TRIOBP: variants seen among roughly 807,000 people sequenced by gnomAD.
TRIOBP encodes the protein TRIO and F-actin binding protein.
In TRIOBP, 169 loss-of-function variants were observed where a neutral mutation model predicts 238.8. The ratio of observed to expected loss-of-function variants is 0.71; its 90% CI spans 0.62 to 0.80. The LOEUF (loss-of-function observed/expected upper bound fraction) is 0.80. Ranked by LOEUF, TRIOBP falls within the 30% of genes least tolerant of loss-of-function variation. The pLI is 0.00. For synonymous variants in TRIOBP, 1,150 were observed against 1,274.4 expected (o/e 0.90, Z 2.08); for missense variants, 2,838 against 3,122.6 (o/e 0.91, Z 2.17).
intron 7 of TRIOBP, among the ~76,000 whole-genome samples, chr22:37,730,357 G>A (rs4820301): frequency 0.24 from 36,870 of 151,988 alleles, 5,384 homozygotes; most frequent in South Asian, 0.41. Flanking sequence ...TTTTCTCTCA[G>A]TTCTACATGG....
chr22:37,747,328 C>T (rs1478012171), intron 11 of TRIOBP, among the ~76,000 whole-genome samples: 1 of 152,212 alleles, frequency 6.6e-6, no homozygotes, highest in Non-Finnish European at 1.5e-5. Context: ...CTTTTGGTTT[C>T]TGGCTAGTGC....
chr22:37,750,055 T>G (rs2145860171), intron 11 of TRIOBP, among the ~76,000 whole-genome samples: 2 of 152,284 alleles, frequency 1.3e-5, no homozygotes, highest in Admixed American at 1.3e-4. Context: ...CTCTGGAGGA[T>G]CACTAGGTTT....
rs563635970 is a variant in TRIOBP at position 37,746,997 on chromosome 22, C to T, written c.5323-4775C>T. ...CTGAAGCAGCGGGATACCACGTCTT[C>T]CTGGGCTTGCACTTTGCAGCGGTCC... On this transcript the variant is annotated intron_variant, in intron 11 of 23. Coordinates refer to ENST00000644935, the MANE Select transcript of TRIOBP (RefSeq NM_001039141.3). Among the ~76,000 whole-genome samples, 78 of 152,358 alleles carry T rather than the reference C, an allele frequency of 5.1e-4. 2 individuals carry two copies. Among genetic ancestry groups the T allele is most frequent in the South Asian group, 3.3e-3 (16 of 4,832 alleles).
chr22:37,728,594 C>T (rs1254247741), intron 7 of TRIOBP, among the ~76,000 whole-genome samples: 6 of 152,188 alleles, frequency 3.9e-5, no homozygotes, highest in African/African-American at 1.4e-4. Context: ...TTTAGGTTTA[C>T]AGCAAAATTG....
intron 11 of TRIOBP, among the ~76,000 whole-genome samples, chr22:37,745,738 G>T (rs192196048): frequency 1.7e-4 from 26 of 152,306 alleles, no homozygotes; most frequent in African/African-American, 6.0e-4. Flanking sequence ...TCCCAAGTCT[G>T]TGGTGAGGAC....
chr22:37,722,264 C>T (rs1923868932), intron 6 of TRIOBP, among the ~76,000 whole-genome samples: 1 of 152,140 alleles, frequency 6.6e-6, no homozygotes, highest in Admixed American at 6.5e-5. Flanking sequence ...CCTGTCTCTA[C>T]TAAAAACACA....
Position 37,735,073 on chromosome 22 carries a change from C to G in TRIOBP, c.4737C>G (p.Ser1579Arg). Residue 1579 changes from serine to arginine, a missense_variant, in exon 9 of 24, where the codon AGC becomes AGG. By Grantham distance (110) the Ser-to-Arg change is moderately radical. Around this residue, in one of 5 missense-constraint regions of TRIOBP, gnomAD observed 2,096 missense variants for 2,137.4 expected, o/e 0.98. Transcript: ENST00000644935. ...AGGGGGTCTGGGCCCGTGTCCCCAG[C>G]CTGGACTGGGAGGGCCTCTTGGAGC... ...PGEGVWARVP[S>R]LDWEGLLELL... 4 of 1,606,804 alleles carry G rather than the reference C, an allele frequency of 2.5e-6. No individual in the cohort carries two copies. Among genetic ancestry groups the G allele is most frequent in the Non-Finnish European group, 3.4e-6 (4 of 1,175,106 alleles).
intron 13 of TRIOBP, 32 bp from the exon 14 acceptor site, chr22:37,755,069 C>A: frequency 1.9e-6 from 3 of 1,611,808 alleles, no homozygotes; most frequent in Non-Finnish European, 2.5e-6. Flanking sequence ...CACCAGGGCC[C>A]ACACGGACCA....
intron 21 of TRIOBP, among the ~76,000 whole-genome samples, chr22:37,770,961 C>T (rs963279919): frequency 2.0e-5 from 3 of 152,190 alleles, no homozygotes; most frequent in Admixed American, 6.5e-5. Flanking sequence ...GGATTACAGG[C>T]GTGAGCCACC....
At chr22:37,708,072 C>G (rs1445048064) in intron 3 of TRIOBP, among the ~76,000 whole-genome samples, 1 of 151,080 alleles carries the variant, frequency 6.6e-6, no homozygotes, top group African/African-American at 2.4e-5. Flanking sequence ...CGGTGAAACC[C>G]TGTCTCTACT....
At chr22:37,751,334 T>TG in intron 11 of TRIOBP, 3 of 334,902 alleles carry the variant, frequency 9.0e-6, no homozygotes, top group South Asian at 7.2e-5. Flanking sequence ...GGCGGGCCCA[T>TG]GGGAGGGTCC....
rs781437003 is a variant in TRIOBP, at chr22:37,723,779, A to C, written c.1223A>C (p.Gln408Pro). 7.1e-7 allele frequency: 1 copy of C among 1,417,836 alleles called. No individual in the cohort carries two copies. Among genetic ancestry groups the C allele is most frequent in the Non-Finnish European group, 9.9e-7 (1 of 1,008,644 alleles). 87.8% of individuals were successfully genotyped at this position (1,417,836 alleles called of 1,614,324 possible). ...QRENSRTSCA[Q>P]RDNPKASRTS... The stretch of plus-strand genomic sequence containing the variant: ...GAGAATTCCAGAACATCCTGTGCCC[A>C]GCGGGACAATCCCAAAGCCTCCAGA... Residue 408 changes from glutamine to proline, a missense_variant, in exon 7 of 24, where the codon CAG becomes CCG. Transcript: ENST00000644935.
chr22:37,730,524 G>T (rs1288814094), intron 7 of TRIOBP, among the ~76,000 whole-genome samples: 1 of 152,122 alleles, frequency 6.6e-6, no homozygotes, highest in Admixed American at 6.6e-5. Context: ...CATTAGGGAG[G>T]AACAGCCCAC....
intron 9 of TRIOBP, among the ~76,000 whole-genome samples, chr22:37,736,755 G>A (rs1924690224): frequency 6.6e-6 from 1 of 152,144 alleles, no homozygotes; most frequent in African/African-American, 2.4e-5. Context: ...AGCCTCCCGA[G>A]TAGCTGGGAT....
rs1368724475 is a variant in TRIOBP, at chr22:37,701,955, T to G, written c.114+476T>G. ...CCAGCCTGGCCAACATGGTGAAAAT[T>G]AGCTGGGCATGGTGGTGCATGCCTG... On this transcript the variant is annotated intron_variant, in intron 3 of 23. Transcript: ENST00000644935. Among the ~76,000 whole-genome samples the G allele has an allele frequency of 2.6e-5, 4 of 151,884 alleles. No homozygotes were observed. In the East Asian group the frequency reaches 7.8e-4, roughly 30 times the overall value.
intron 4 of TRIOBP, among the ~76,000 whole-genome samples, chr22:37,710,840 A>G (rs1460619805): frequency 6.6e-6 from 1 of 152,092 alleles, no homozygotes; most frequent in Admixed American, 6.6e-5. Flanking sequence ...CCCACCCCAT[A>G]ACCTCCCAAG....
chr22:37,707,474 C>T (rs1048188936), intron 3 of TRIOBP, among the ~76,000 whole-genome samples: 8 of 152,146 alleles, frequency 5.3e-5, no homozygotes, highest in African/African-American at 1.7e-4. Flanking sequence ...CGGGTCTTCC[C>T]TGGCTGACTC....
intron 3 of TRIOBP, among the ~76,000 whole-genome samples, chr22:37,707,350 C>A (rs543435583): frequency 6.6e-6 from 1 of 152,176 alleles, no homozygotes; most frequent in African/African-American, 2.4e-5. Context: ...CACCTGCCTG[C>A]CTGTGCACTC....
intron 11 of TRIOBP, among the ~76,000 whole-genome samples, chr22:37,742,262 T>G (rs1368379095): frequency 1.4e-5 from 2 of 147,332 alleles, no homozygotes; most frequent in African/African-American, 5.0e-5. Context: ...CAGGCGTTTT[T>G]TTTTTTTTTT....
Sources: allele counts gnomAD v4.1 joint callset (sites outside exome capture counted in the v4.1 genomes callset), GRCh38; gene constraint gnomAD v4.1.1; regional missense constraint gnomAD v4.1.1; transcripts MANE v1.5; gene names NCBI Gene and HGNC (gene_info 2026-07-23, HGNC 2026-07-21).